Variants in GABRG3 observed in about 807,000 individuals in gnomAD.
The protein encoded by GABRG3 is gamma-aminobutyric acid type A receptor subunit gamma3.
A neutral mutation model predicts 48.8 loss-of-function variants in GABRG3; 25 were observed. The ratio of observed to expected loss-of-function variants is 0.51; its 90% confidence interval spans 0.37 to 0.72. The LOEUF (loss-of-function observed/expected upper bound fraction) is 0.72. GABRG3 is among the 30% of genes least tolerant of loss of function. The pLI is 0.00. For synonymous variants in GABRG3, 227 were observed against 217.6 expected, an observed-to-expected ratio of 1.04 and a Z score of -0.38; for missense variants, 394 against 577.9, an observed-to-expected ratio of 0.68 and a Z score of 3.26.
At chr15:27,322,516 A>T (rs1417858883) in intron 3 of GABRG3, among the ~76,000 whole-genome samples, 1 of 152,214 alleles carries the variant, frequency 6.6e-6, no homozygotes, top group Non-Finnish European at 1.5e-5. Flanking sequence ...CAAAAGTAAG[A>T]TAGAGAAATG....
At chr15:27,241,422 C>T (rs1890124391) in intron 3 of GABRG3, among the ~76,000 whole-genome samples, 1 of 152,216 alleles carries the variant, frequency 6.6e-6, no homozygotes, top group Admixed American at 6.5e-5. Flanking sequence ...CTTACAGCAG[C>T]AATGGCCTTA....
At chr15:27,398,499 AAATATT>A (rs1328838683) in intron 5 of GABRG3, among the ~76,000 whole-genome samples, 1 of 152,196 alleles carries the variant, frequency 6.6e-6, no homozygotes, top group Non-Finnish European at 1.5e-5. Context: ...CCTTTGAAGA[AAATATT>A]AATATATACC....
At chr15:27,002,562 A>G (rs1895469010) in intron 2 of GABRG3, among the ~76,000 whole-genome samples, 1 of 152,082 alleles carries the variant, frequency 6.6e-6, no homozygotes, top group Admixed American at 6.6e-5. Context: ...TTTTAAGCTA[A>G]GAAATTTATG....
intron 5 of GABRG3, chr15:27,419,073 T>C (rs1385338879): frequency 6.6e-6 from 1 of 152,270 alleles, no homozygotes; most frequent in Non-Finnish European, 1.5e-5. Flanking sequence ...TATCTCATTG[T>C]GTTGCAATTC....
chr15:27,182,686 C>T (rs1887969309), intron 3 of GABRG3, among the ~76,000 whole-genome samples: 1 of 152,162 alleles, frequency 6.6e-6, no homozygotes, highest in Admixed American at 6.5e-5. Flanking sequence ...CACAGGGCCG[C>T]CAAGCAAAGA....
intron 5 of GABRG3, among the ~76,000 whole-genome samples, chr15:27,357,219 T>TC (rs962302266): frequency 6.6e-6 from 1 of 152,144 alleles, no homozygotes; most frequent in Non-Finnish European, 1.5e-5. Flanking sequence ...TTGCACTTCC[T>TC]CCCTGTTCTG....
intron 6 of GABRG3, among the ~76,000 whole-genome samples, chr15:27,488,884 A>AT (rs869182390): frequency 1.4e-4 from 22 of 151,936 alleles, no homozygotes; most frequent in African/African-American, 5.3e-4. Flanking sequence ...ACTTTAAAAA[A>AT]TTTTTTTTAT....
chr15:27,346,095 A>AGAG (rs1566797089), intron 5 of GABRG3, among the ~76,000 whole-genome samples: 3 of 139,374 alleles, frequency 2.2e-5, no homozygotes, highest in African/African-American at 7.9e-5. Flanking sequence ...AGAAAGAAAG[A>AGAG]AAGGAAAGAA....
At chr15:27,019,205 A>G (rs536710307) in intron 2 of GABRG3, among the ~76,000 whole-genome samples, 6 of 151,478 alleles carry the variant, frequency 4.0e-5, no homozygotes, top group Non-Finnish European at 8.8e-5. Context: ...AGCAGCTGGG[A>G]CTACAGGCGC....
At chr15:26,988,598 A>G (rs1000077630) in intron 2 of GABRG3, among the ~76,000 whole-genome samples, 1 of 152,140 alleles carries the variant, frequency 6.6e-6, no homozygotes. Flanking sequence ...AGCCCAATCT[A>G]ACAATCTCTG....
At chr15:27,321,412 C>G (rs1463482878) in intron 3 of GABRG3, among the ~76,000 whole-genome samples, 1 of 152,084 alleles carries the variant, frequency 6.6e-6, no homozygotes, top group African/African-American at 2.4e-5. Flanking sequence ...GGAAGCCCAC[C>G]GTCAAAGCCA....
rs967773283 is a variant in GABRG3 at position 27,493,108 on chromosome 15, T to G, written c.712+12321T>G. Among the ~76,000 whole-genome samples, 2 of 152,222 alleles carry G rather than the reference T, an allele frequency of 1.3e-5. 1 individual carries two copies. Among genetic ancestry groups the G allele is most frequent in the South Asian group, 4.1e-4 (2 of 4,828 alleles). Reference sequence around the variant, plus strand: ...TGCATATTCCAAATGATTTAAAATTTTGCTTTAAAAAATCTTTAAAATCAC... The same window carrying G: ...TGCATATTCCAAATGATTTAAAATTGTGCTTTAAAAAATCTTTAAAATCAC... On this transcript the variant is annotated intron_variant, in intron 6 of 9. Coordinates refer to ENST00000615808, the MANE Select transcript of GABRG3 (RefSeq NM_033223.5).
At chr15:27,035,182 T>C (rs1337529391) in intron 3 of GABRG3, among the ~76,000 whole-genome samples, 2 of 152,178 alleles carry the variant, frequency 1.3e-5, no homozygotes, top group African/African-American at 4.8e-5. Context: ...ACTGCTTAAT[T>C]TTAAACTCAC....
chr15:27,279,794 T>C (rs977246531), intron 3 of GABRG3, among the ~76,000 whole-genome samples: 3 of 152,192 alleles, frequency 2.0e-5, no homozygotes, highest in Non-Finnish European at 2.9e-5. Flanking sequence ...TTTATAGCTA[T>C]GGGATTTGGG....
chr15:27,355,348 A>G (rs1894800517), intron 5 of GABRG3, among the ~76,000 whole-genome samples: 4 of 152,250 alleles, frequency 2.6e-5, no homozygotes. Flanking sequence ...CAAAGAAGTT[A>G]TACAAATGAC....
chr15:27,065,627 T>C (rs1896724998), intron 3 of GABRG3, among the ~76,000 whole-genome samples: 1 of 152,176 alleles, frequency 6.6e-6, no homozygotes, highest in Non-Finnish European at 1.5e-5. Flanking sequence ...GTTGTTTTGA[T>C]AAAAGATGTG....
At chr15:27,047,192 G>C (rs1172610471) in intron 3 of GABRG3, among the ~76,000 whole-genome samples, 2 of 152,196 alleles carry the variant, frequency 1.3e-5, no homozygotes, top group Non-Finnish European at 2.9e-5. Context: ...CTGGCCAAAT[G>C]TTCCATATTC....
chr15:27,364,411 G>C (rs1895122552), intron 5 of GABRG3: 1 of 152,434 alleles, frequency 6.6e-6, no homozygotes, highest in Non-Finnish European at 1.5e-5. Context: ...TATGTTGCCT[G>C]ATAACAAGTG....
chr15:27,304,870 A>G (rs889085274), intron 3 of GABRG3, among the ~76,000 whole-genome samples: 1 of 151,994 alleles, frequency 6.6e-6, no homozygotes, highest in Non-Finnish European at 1.5e-5. Context: ...AGTTCTTTAC[A>G]TATTCTGATA....
Sources: gnomAD v4.1 joint callset for allele counts (sites outside exome capture counted in the v4.1 genomes callset) on GRCh38, gnomAD v4.1.1 for gene constraint, MANE v1.5 for transcripts, NCBI Gene and HGNC (gene_info 2026-07-23, HGNC 2026-07-21) for gene names.